Variants in SLC9A8 observed in about 807,000 individuals in gnomAD.
SLC9A8 encodes solute carrier family 9 member A8.
A neutral mutation model predicts 66.6 loss-of-function variants in SLC9A8; 48 were observed. The ratio of observed to expected loss-of-function variants is 0.72; its 90% CI spans 0.57 to 0.92. The LOEUF (loss-of-function observed/expected upper bound fraction) is 0.92, where lower values mean the gene tolerates loss of function less well. Ranked by LOEUF, SLC9A8 falls within the 40% of genes least tolerant of loss-of-function variation. The pLI is 0.00. For missense variants in SLC9A8, 599 were observed against 747.3 expected, an observed-to-expected ratio of 0.80 and a Z score of 2.31; for synonymous variants, 274 against 282.6, an observed-to-expected ratio of 0.97 and a Z score of 0.31.
chr20:49,849,002 A>T (rs924391207), intron 5 of SLC9A8, among the ~76,000 whole-genome samples: 6 of 152,200 alleles, frequency 3.9e-5, no homozygotes, highest in Admixed American at 1.3e-4. Flanking sequence ...AGTCTTGTCA[A>T]CCGCTACAAG....
rs984663484 is a variant in SLC9A8, at chr20:49,830,169, G to T, written c.289+7028G>T. Reference sequence around the variant, plus strand: ...GTTGAAAATATGTGAAGAGGAAACTGGTTCCACCTCCATCCGGGCAGCTGA... The same window carrying T: ...GTTGAAAATATGTGAAGAGGAAACTTGTTCCACCTCCATCCGGGCAGCTGA... On this transcript the variant is annotated intron_variant, in intron 3 of 15. Transcript: ENST00000361573. The T allele has an allele frequency of 6.6e-6, 5 of 763,296 alleles. No individual in the cohort carries two copies. The Admixed American group carries it at 6.9e-5, about 11-fold the overall frequency. 47.3% of individuals were successfully genotyped at this position (763,296 alleles called of 1,614,324 possible). A position where few individuals can be genotyped will look rare whatever the true frequency, so the allele number is the denominator to read the frequency against.
intron 10 of SLC9A8, among the ~76,000 whole-genome samples, chr20:49,873,084 G>A (rs1313799795): frequency 4.6e-5 from 7 of 152,174 alleles, no homozygotes; most frequent in Non-Finnish European, 5.9e-5. Context: ...ACACACCCTC[G>A]TGCAGGGCTC....
At chr20:49,873,771 CAAAAAAAAAAA>C (rs35613935) in intron 10 of SLC9A8, among the ~76,000 whole-genome samples, 2 of 60,228 alleles carry the variant, frequency 3.3e-5, no homozygotes, top group African/African-American at 6.8e-5. Context: ...AACTCCGTCT[CAAAAAAAAAAA>C]AAAAAAAAAA....
intron 12 of SLC9A8, 31 bp from the exon 13 acceptor site, chr20:49,880,893 C>T: frequency 6.9e-7 from 1 of 1,456,198 alleles, no homozygotes; most frequent in Non-Finnish European, 9.7e-7. Flanking sequence ...CAGATGTTTT[C>T]ACCTAAGACT....
chr20:49,881,501 C>G (rs1339578032), intron 13 of SLC9A8, among the ~76,000 whole-genome samples: 1 of 152,210 alleles, frequency 6.6e-6, no homozygotes, highest in African/African-American at 2.4e-5. Flanking sequence ...GCTATTTAAT[C>G]ACTTTTTAAA....
At chr20:49,883,562 A>G (rs1025697841) in intron 13 of SLC9A8, among the ~76,000 whole-genome samples, 2 of 152,208 alleles carry the variant, frequency 1.3e-5, no homozygotes, top group Non-Finnish European at 2.9e-5. Flanking sequence ...AGACACGAGC[A>G]TCAGGCTTGC....
chr20:49,867,452 A>G (rs982054105), intron 10 of SLC9A8, among the ~76,000 whole-genome samples: 3 of 151,884 alleles, frequency 2.0e-5, no homozygotes, highest in Non-Finnish European at 4.4e-5. Flanking sequence ...AACTATTCCC[A>G]CCCATGTCAG....
At chr20:49,855,672 T>TGGAA in intron 8 of SLC9A8, 91 bp downstream of exon 8, 7 of 1,249,048 alleles carry the variant, frequency 5.6e-6, no homozygotes, top group Non-Finnish European at 7.8e-6. Context: ...ACAGCATGTG[T>TGGAA]ACAGTTGCTT....
At chr20:49,885,243 G>A (rs2089847328) in intron 14 of SLC9A8, among the ~76,000 whole-genome samples, 1 of 152,184 alleles carries the variant, frequency 6.6e-6, no homozygotes, top group African/African-American at 2.4e-5. Flanking sequence ...TATCAGAATC[G>A]GTGGGGGGCT....
intron 10 of SLC9A8, 90 bp downstream of exon 10, chr20:49,864,934 A>C (rs986006236): frequency 4.8e-6 from 4 of 829,212 alleles, no homozygotes; most frequent in Non-Finnish European, 8.4e-6. Flanking sequence ...ACTTTTAGTC[A>C]CAAGAGACAG....
Position 49,883,758 on chromosome 20 carries a change from T to C in SLC9A8, c.1271-88T>C. 1.9e-6 allele frequency: 2 copies of C among 1,050,106 alleles called. 1 individual carries two copies. Among genetic ancestry groups the C allele is most frequent in the South Asian group, 3.0e-5 (2 of 67,352 alleles). 65.0% of individuals were successfully genotyped at this position (1,050,106 alleles called of 1,614,324 possible). ...CATTAGAATAGTCAGCTGGTCGTGGTGCTGGGCCGGCTGGATTTCCAGGGA... is the reference window on the plus strand; with the variant it reads ...CATTAGAATAGTCAGCTGGTCGTGGCGCTGGGCCGGCTGGATTTCCAGGGA... On this transcript the variant is annotated intron_variant, in intron 13 of 15. Transcript: ENST00000361573.
chr20:49,813,020 G>A, intron 1 of SLC9A8, 72 bp downstream of exon 1: 1 of 1,283,728 alleles, frequency 7.8e-7, no homozygotes, highest in Non-Finnish European at 1.0e-6. Flanking sequence ...AGCGCCTCAG[G>A]CCGCCCTCCG....
chr20:49,830,540 C>G, intron 3 of SLC9A8: 1 of 660,584 alleles, frequency 1.5e-6, no homozygotes, highest in Non-Finnish European at 2.7e-6. Flanking sequence ...CTTAGCTGGC[C>G]TGGGTGATTG....
chr20:49,883,761 TG>T (rs1480119180), intron 13 of SLC9A8, 84 bp from the exon 14 acceptor site: 2 of 1,099,990 alleles, frequency 1.8e-6, no homozygotes, highest in African/African-American at 3.1e-5. Flanking sequence ...GTCGTGGTGC[TG>T]GGCCGGCTGG....
intron 7 of SLC9A8, among the ~76,000 whole-genome samples, chr20:49,853,987 C>T (rs961759537): frequency 5.3e-5 from 8 of 152,144 alleles, no homozygotes; most frequent in Non-Finnish European, 1.2e-4. Context: ...AAAAGATCAC[C>T]CATTGAAGGC....
chr20:49,880,670 C>T (rs2089593577), intron 12 of SLC9A8, among the ~76,000 whole-genome samples: 1 of 152,182 alleles, frequency 6.6e-6, no homozygotes, highest in African/African-American at 2.4e-5. Flanking sequence ...CTCGTCCGTC[C>T]TCTCTTTTCT....
At position 49,839,554 on chromosome 20, in the gene SLC9A8, A is replaced by C; in HGVS notation, c.303A>C (p.Gly101=). The C allele has an allele frequency of 6.3e-7, 1 of 1,584,534 alleles. No individual in the cohort carries two copies. The highest frequency in any genetic ancestry group is 8.7e-7 in the Non-Finnish European group (1 of 1,155,432). ...TTTCTCTTGTAGGTATTCTCATGGG[A>C]GCAGTTATAAAAATTATAGAGTTTA... The part of the protein sequence containing the change: ...VAVVSLGILM[G]AVIKIIEFKK... The change falls in exon 4 of 16, where the codon GGA becomes GGC. Residue 101 remains glycine, a synonymous_variant. Transcript: ENST00000361573.
At chr20:49,852,750 C>T (rs2041181677) in intron 7 of SLC9A8, among the ~76,000 whole-genome samples, 1 of 151,556 alleles carries the variant, frequency 6.6e-6, no homozygotes, top group African/African-American at 2.5e-5. Flanking sequence ...TTTCAGACTT[C>T]TCATCTTCAC....
chr20:49,829,922 C>A (rs984715966), intron 3 of SLC9A8: 2 of 580,660 alleles, frequency 3.4e-6, no homozygotes, highest in Non-Finnish European at 6.9e-6. Context: ...GAAAAGAATC[C>A]AAGAGCAAAG....
Sources: allele counts gnomAD v4.1 joint callset (sites outside exome capture counted in the v4.1 genomes callset), GRCh38; gene constraint gnomAD v4.1.1; transcripts MANE v1.5; gene names NCBI Gene and HGNC (gene_info 2026-07-23, HGNC 2026-07-21).